The following QRICH2 variants were observed in gnomAD, a reference collection of about 807,000 sequenced individuals.
QRICH2 encodes glutamine-rich protein 2.
In QRICH2, 119 loss-of-function variants were observed where a neutral mutation model predicts 168.3. The ratio of observed to expected loss-of-function variants is 0.71; its 90% CI spans 0.61 to 0.82. QRICH2 has a LOEUF of 0.82. Ranked by LOEUF, QRICH2 falls within the 40% of genes least tolerant of loss-of-function variation. The pLI is 0.00. For missense variants in QRICH2, 2,241 were observed against 2,491.6 expected (o/e 0.90, Z 2.14); for synonymous variants, 894 against 951.2 (o/e 0.94, Z 1.11).
Position 76,293,304 on chromosome 17 carries a change from T to C in QRICH2, c.1423A>G (p.Met475Val), listed in dbSNP as rs1410622204. The change falls in exon 4 of 19, where the codon ATG becomes GTG. Residue 475 changes from methionine to valine, a missense_variant. By Grantham distance (21) the Met-to-Val change is conservative. Transcript: ENST00000680821. ...LVSVSAYQHG[M>V]TFPGTDQRSM... The stretch of plus-strand genomic sequence containing the variant: ...CGTTGGTCTGTGCCAGGAAATGTCA[T>C]ACCATGCTGATATGCACTGACTGAA... 3.1e-6 allele frequency: 5 copies of C among 1,614,118 alleles called. No homozygotes were observed. The highest frequency in any genetic ancestry group is 4.2e-6 in the Non-Finnish European group (5 of 1,180,044).
chr17:76,291,904 C>T lies in QRICH2; in HGVS notation c.2823G>A (p.Leu941=), dbSNP rs1237695708. Residue 941 remains leucine, a synonymous_variant, in exon 4 of 19, where the codon TTG becomes TTA. Coordinates refer to ENST00000680821, the MANE Select transcript of QRICH2 (RefSeq NM_001388453.1). ...CATGCAAATATGCACCAGGTTGTAC[C>T]AAACCAAGAGGATAGGCACCAGGTT... ...LVQPGAYPLG[L]VQPGAYLHDL... is the part of the protein sequence containing the mutation. 2 of 1,614,080 alleles carry T rather than the reference C, an allele frequency of 1.2e-6. No individual in the cohort carries two copies. Among genetic ancestry groups the T allele is most frequent in the African/African-American group, 2.7e-5 (2 of 74,922 alleles).
intron 1 of QRICH2, among the ~76,000 whole-genome samples, chr17:76,306,460 A>T (rs547490407): frequency 7.9e-5 from 12 of 152,182 alleles, no homozygotes; most frequent in African/African-American, 2.6e-4. Context: ...TTCTTTCAGA[A>T]CCAACCTAAG....
At chr17:76,274,925 G>A (rs1320712311) in intron 18 of QRICH2, among the ~76,000 whole-genome samples, 1 of 152,186 alleles carries the variant, frequency 6.6e-6, no homozygotes. Context: ...TCCATGTAAA[G>A]CTCCTAAACT....
chr17:76,276,854 G>T, intron 16 of QRICH2, 87 bp from the exon 17 acceptor site: 1 of 1,090,046 alleles, frequency 9.2e-7, no homozygotes, highest in Non-Finnish European at 1.4e-6. Context: ...ACAGAGCACT[G>T]TGGTCTCAGA....
chr17:76,274,252 G>T lies in QRICH2; in HGVS notation c.5491C>A (p.Arg1831Ser), dbSNP rs552106910. 5 of 1,589,784 alleles carry T rather than the reference G, an allele frequency of 3.1e-6. No individual in the cohort carries two copies. The highest frequency in any genetic ancestry group is 2.3e-5 in the South Asian group (2 of 87,518). The change falls in exon 19 of 19, where the codon CGT becomes AGT. Residue 1831 changes from arginine to serine, a missense_variant. Transcript: ENST00000680821. ...ISAGNTSVSS[R>S]QQKDRPSSEG... ...GAGGAAGGTCTATCTTTCTGTTGACGAGAAGAAACTGTAAGACAGGGGTGC... is the reference window on the plus strand; with the variant it reads ...GAGGAAGGTCTATCTTTCTGTTGACTAGAAGAAACTGTAAGACAGGGGTGC...
rs764039966 is a variant in QRICH2 at position 76,291,190 on chromosome 17, T to C, written c.3537A>G (p.Arg1179=). The C allele has an allele frequency of 5.6e-6, 9 of 1,614,084 alleles. No homozygotes were observed. The African/African-American group carries it at 1.1e-4, about 19-fold the overall frequency. The change falls in exon 4 of 19, where the codon CGA becomes CGG. Residue 1179 remains arginine, a synonymous_variant. Transcript: ENST00000680821. ...SEVSSEVLSE[R]RNSLRRMSSS... ...AACTCATTCTACGCAGTGAATTGCGTCGCTCACTCAGGACTTCACTCGAGA... is the reference window on the plus strand; with the variant it reads ...AACTCATTCTACGCAGTGAATTGCGCCGCTCACTCAGGACTTCACTCGAGA...
chr17:76,281,789 G>A lies in QRICH2; in HGVS notation c.4263+75C>T. ...GCCCAAACACCCGCCCCACTTCTGTGGGTCTGCAGCAGGGTGGCCCTCCTC... is the reference window on the plus strand; with the variant it reads ...GCCCAAACACCCGCCCCACTTCTGTAGGTCTGCAGCAGGGTGGCCCTCCTC... On this transcript the variant is annotated intron_variant, in intron 8 of 18. Transcript: ENST00000680821. The surrounding 1 kb of genome is among the most constrained non-coding windows in gnomAD (Gnocchi z 4.4). 1 of 1,564,024 alleles carries A rather than the reference G, an allele frequency of 6.4e-7. No homozygotes were observed. Among genetic ancestry groups the A allele is most frequent in the Middle Eastern group, 1.7e-4 (1 of 5,892 alleles).
At chr17:76,279,342 G>C (rs367642196) in intron 13 of QRICH2, 21 bp downstream of exon 13, 15 of 1,606,080 alleles carry the variant, frequency 9.3e-6, no homozygotes, top group Middle Eastern at 1.6e-4. Flanking sequence ...GAGGCCACGT[G>C]CCGGCGGTGT....
rs780426606 is a variant in QRICH2, at chr17:76,287,883, C to G, written c.3813G>C (p.Gln1271His). 6 of 1,614,084 alleles carry G rather than the reference C, an allele frequency of 3.7e-6. No individual in the cohort carries two copies. The highest frequency in any genetic ancestry group is 1.7e-6 in the Non-Finnish European group (2 of 1,179,970). The change falls in exon 6 of 19, where the codon CAG becomes CAC. Residue 1271 changes from glutamine to histidine, a missense_variant. Around this residue, in one of 3 missense-constraint regions of QRICH2, gnomAD observed 2,047 missense variants for 2,303.8 expected, o/e 0.89. Transcript: ENST00000680821. ...GATTCCCTTCCCCTTCCAGGATCCT[C>G]TGCAGCCTTTCCACCTACAAACCCA... ...WQEKAKVERL[Q>H]RILEGEGNQE...
chr17:76,285,015 C>T lies in QRICH2; in HGVS notation c.4011+2177G>A, dbSNP rs568418242. Among the ~76,000 whole-genome samples, 21 of 150,476 alleles carry T rather than the reference C, an allele frequency of 1.4e-4. 1 individual carries two copies. Among genetic ancestry groups the T allele is most frequent in the Admixed American group, 7.9e-4 (12 of 15,132 alleles). On this transcript the variant is annotated intron_variant, in intron 7 of 18. Transcript: ENST00000680821. ...TGTCACCCAGGCTGGCGTCCAGTGG[C>T]GCGATCATGGCTCACTGCAACCTCC... is the stretch of plus-strand genomic sequence containing the variant.
In QRICH2 at chr17:76,281,821, G is replaced by A; in HGVS notation, c.4263+43C>T. On this transcript the variant is annotated intron_variant, in intron 8 of 18. Coordinates refer to ENST00000680821, the MANE Select transcript of QRICH2 (RefSeq NM_001388453.1). This position sits in a 1 kb window ranked among gnomAD's most constrained non-coding sequence, Gnocchi z 4.4. ...CAGCAGGGTGGCCCTCCTCTGTGGG[G>A]CCATGTCCAGTTGCAGCAGGAGGGA... is the stretch of plus-strand genomic sequence containing the variant. 1 of 1,600,186 alleles carries A rather than the reference G, an allele frequency of 6.2e-7. No homozygotes were observed. The highest frequency in any genetic ancestry group is 8.5e-7 in the Non-Finnish European group (1 of 1,170,464).
rs1202702518 is a variant in QRICH2 at position 76,284,316 on chromosome 17, A to G, written c.4012-2201T>C. Among the ~76,000 whole-genome samples, 4 of 142,952 alleles carry G rather than the reference A, an allele frequency of 2.8e-5. 1 individual carries two copies. Among genetic ancestry groups the G allele is most frequent in the African/African-American group, 1.2e-4 (4 of 32,924 alleles). The allele number at this position is 142,952 out of a possible 152,430, so 93.8% of individuals were successfully genotyped here. A position where few individuals can be genotyped will look rare whatever the true frequency, so the allele number is the denominator to read the frequency against. On this transcript the variant is annotated intron_variant, in intron 7 of 18. Transcript: ENST00000680821. ...ACAATCCTTAGTGAGAAAATGACCA[A>G]GAATTGCATTGCAAGGCTTAAAGAC...
intron 5 of QRICH2, among the ~76,000 whole-genome samples, chr17:76,289,214 G>T (rs1259866753): frequency 2.6e-5 from 4 of 152,090 alleles, no homozygotes; most frequent in Non-Finnish European, 4.4e-5. Context: ...TTAGAGACAG[G>T]GTCTTGCCCT....
At chr17:76,305,968 G>A (rs1026734821) in intron 1 of QRICH2, among the ~76,000 whole-genome samples, 15 of 151,916 alleles carry the variant, frequency 9.9e-5, no homozygotes, top group Admixed American at 2.0e-4. Flanking sequence ...TCAGGAGTTC[G>A]AGACCAGCCT....
At chr17:76,290,902 C>T in intron 4 of QRICH2, 113 bp downstream of exon 4, 3 of 1,481,642 alleles carry the variant, frequency 2.0e-6, no homozygotes, top group Non-Finnish European at 1.8e-6. Flanking sequence ...ATGCTGTTTT[C>T]AGGGACTCAG....
intron 1 of QRICH2, among the ~76,000 whole-genome samples, chr17:76,305,610 A>G (rs1185662915): frequency 6.6e-6 from 1 of 152,098 alleles, no homozygotes; most frequent in African/African-American, 2.4e-5. Context: ...TGGTCCTGGG[A>G]TTCAGTTTGC....
At chr17:76,277,584 GCACA>G (rs1598475917) in intron 15 of QRICH2, among the ~76,000 whole-genome samples, 1 of 151,376 alleles carries the variant, frequency 6.6e-6, no homozygotes, top group Non-Finnish European at 1.5e-5. Flanking sequence ...ACACATACAT[GCACA>G]CACACATACT....
chr17:76,297,259 C>A (rs974984056), intron 3 of QRICH2, among the ~76,000 whole-genome samples: 47 of 152,204 alleles, frequency 3.1e-4, no homozygotes, highest in Non-Finnish European at 6.0e-4. Flanking sequence ...GTAATCCCAA[C>A]ACTTTGGGAG....
intron 1 of QRICH2, among the ~76,000 whole-genome samples, chr17:76,306,977 A>C (rs1024328525): frequency 2.7e-5 from 4 of 150,786 alleles, no homozygotes; most frequent in Non-Finnish European, 4.4e-5. Context: ...CTCCATCCTG[A>C]CTCCCCTTCT....
Sources: gnomAD v4.1 joint callset for allele counts (sites outside exome capture counted in the v4.1 genomes callset) on GRCh38, gnomAD v4.1.1 for gene constraint, gnomAD v4.1.1 regional missense constraint, Gnocchi (gnomAD v3.1) non-coding constraint, MANE v1.5 for transcripts, NCBI Gene and HGNC (gene_info 2026-07-23, HGNC 2026-07-21) for gene names.